SAMD12: variants seen among roughly 807,000 people sequenced by gnomAD.
SAMD12 encodes the protein sterile alpha motif domain-containing protein 12.
SAMD12 carries 9 observed loss-of-function variants against 15.0 expected under a neutral mutation model. That is an observed-to-expected ratio of 0.60 (90% CI 0.36 to 1.05). The LOEUF is 1.05. Ranked by LOEUF, SAMD12 falls within the 50% of genes least tolerant of loss-of-function variation. The pLI is 0.01. For synonymous variants in SAMD12, 86 were observed against 90.1 expected (o/e 0.96, Z 0.25); for missense variants, 230 against 234.2 (o/e 0.98, Z 0.12).
chr8:118,618,714 C>G (rs766759754), intron 1 of SAMD12, among the ~76,000 whole-genome samples: 3 of 151,998 alleles, frequency 2.0e-5, no homozygotes, highest in Non-Finnish European at 4.4e-5. Flanking sequence ...GTAGCAGGCA[C>G]CTGTAGCCCA....
chr8:118,337,583 T>C (rs1817146868), intron 4 of SAMD12, among the ~76,000 whole-genome samples: 1 of 152,194 alleles, frequency 6.6e-6, no homozygotes, highest in Non-Finnish European at 1.5e-5. Flanking sequence ...CATACCATTC[T>C]AAAGGACATG....
intron 4 of SAMD12, among the ~76,000 whole-genome samples, chr8:118,264,188 A>G (rs1455959438): frequency 1.3e-5 from 2 of 152,058 alleles, no homozygotes; most frequent in African/African-American, 4.8e-5. Flanking sequence ...CTTTTGTTGT[A>G]TTGGCATCTT....
chr8:118,343,402 T>TG (rs36084885), intron 4 of SAMD12, among the ~76,000 whole-genome samples: 101,371 of 151,362 alleles, frequency 0.67, 34,444 homozygotes, highest in East Asian at 0.83. Context: ...TAACCAGAAA[T>TG]GCAACATGCA....
chr8:118,346,282 T>C (rs1196533426), intron 4 of SAMD12, among the ~76,000 whole-genome samples: 1 of 152,216 alleles, frequency 6.6e-6, no homozygotes, highest in Non-Finnish European at 1.5e-5. Flanking sequence ...AATCTAAAAA[T>C]GGAAGAACAT....
chr8:118,153,745 A>G, the SAMD12 span, among the ~76,000 whole-genome samples: 111,002 of 152,056 alleles, frequency 0.73, 42,084 homozygotes, highest in Non-Finnish European at 0.84. Context: ...GGTCAGAGTG[A>G]TATCTTTACC....
chr8:118,554,102 A>T (rs1826441847), intron 2 of SAMD12, among the ~76,000 whole-genome samples: 2 of 151,610 alleles, frequency 1.3e-5, no homozygotes. Flanking sequence ...AAACTAGTTC[A>T]ACCATTGTGG....
At chr8:118,613,089 T>C (rs2131319043) in intron 1 of SAMD12, among the ~76,000 whole-genome samples, 1 of 152,352 alleles carries the variant, frequency 6.6e-6, no homozygotes, top group East Asian at 1.9e-4. Context: ...AAGGAAACTT[T>C]ACAAGTTGTT....
chr8:118,545,792 G>A (rs1027387546), intron 2 of SAMD12, among the ~76,000 whole-genome samples: 2 of 152,200 alleles, frequency 1.3e-5, no homozygotes, highest in African/African-American at 4.8e-5. Flanking sequence ...TCTTTGAACA[G>A]ATGAAATATA....
intron 2 of SAMD12, among the ~76,000 whole-genome samples, chr8:118,505,411 A>G (rs1824896130): frequency 6.7e-6 from 1 of 149,352 alleles, no homozygotes; most frequent in African/African-American, 2.5e-5. Flanking sequence ...GCAACTAGCC[A>G]TATGATTAAG....
intron 1 of SAMD12, among the ~76,000 whole-genome samples, chr8:118,586,845 T>C (rs1827461102): frequency 1.3e-5 from 2 of 152,228 alleles, no homozygotes; most frequent in South Asian, 4.1e-4. Flanking sequence ...ATAGATATGA[T>C]GGAAAGATAC....
At chr8:118,523,832 C>T (rs1406755318) in intron 2 of SAMD12, among the ~76,000 whole-genome samples, 1 of 152,074 alleles carries the variant, frequency 6.6e-6, no homozygotes, top group African/African-American at 2.4e-5. Context: ...ACAGAGAAGC[C>T]ATCTGAAAAG....
intron 4 of SAMD12, among the ~76,000 whole-genome samples, chr8:118,318,348 A>AC (rs1816049177): frequency 8.9e-6 from 1 of 111,764 alleles, no homozygotes; most frequent in East Asian, 2.3e-4. Context: ...ATATATATAT[A>AC]TATATATACA....
chr8:118,188,350 A>C (rs1417672704), downstream of SAMD12, among the ~76,000 whole-genome samples: 1 of 152,198 alleles, frequency 6.6e-6, no homozygotes, highest in Non-Finnish European at 1.5e-5. Context: ...TCCATTTTCC[A>C]AGTTCAAAAT....
At chr8:118,359,094 C>T (rs968722205) in intron 4 of SAMD12, among the ~76,000 whole-genome samples, 4 of 151,268 alleles carry the variant, frequency 2.6e-5, no homozygotes, top group African/African-American at 4.9e-5. Context: ...TTATTCCCTG[C>T]CCCCCCAATT....
At chr8:118,512,022 A>G (rs1233665678) in intron 2 of SAMD12, among the ~76,000 whole-genome samples, 1 of 151,106 alleles carries the variant, frequency 6.6e-6, no homozygotes, top group Non-Finnish European at 1.5e-5. Context: ...CTAAGAAAGG[A>G]AACTGGAGCA....
intron 3 of SAMD12, among the ~76,000 whole-genome samples, chr8:118,386,886 G>C (rs372825592): frequency 2.0e-5 from 3 of 152,190 alleles, no homozygotes; most frequent in East Asian, 3.9e-4. Context: ...TGTCCTATTG[G>C]GAAATCTTAG....
intron 3 of SAMD12, among the ~76,000 whole-genome samples, chr8:118,429,983 A>T (rs907842525): frequency 6.6e-6 from 1 of 152,248 alleles, no homozygotes; most frequent in African/African-American, 2.4e-5. Context: ...TTAACCATTT[A>T]GGATGATGTT....
chr8:118,588,602 G>A (rs1827506890), intron 1 of SAMD12, among the ~76,000 whole-genome samples: 1 of 152,212 alleles, frequency 6.6e-6, no homozygotes, highest in South Asian at 2.1e-4. Context: ...AATGGCAGCA[G>A]TGAGTAACTG....
At chr8:118,369,349 A>G (rs1474745445) in intron 4 of SAMD12, among the ~76,000 whole-genome samples, 1 of 152,200 alleles carries the variant, frequency 6.6e-6, no homozygotes, top group African/African-American at 2.4e-5. Context: ...AAACCTGGCT[A>G]GCCATATGCA....
Sources: gnomAD v4.1 joint callset for allele counts (sites outside exome capture counted in the v4.1 genomes callset) on GRCh38, gnomAD v4.1.1 for gene constraint, MANE v1.5 for transcripts, NCBI Gene and HGNC (gene_info 2026-07-23, HGNC 2026-07-21) for gene names.